Variants in ITPKB observed in about 807,000 individuals in gnomAD.
ITPKB encodes the protein IP3 3-kinase B.
A neutral mutation model predicts 69.4 loss-of-function variants in ITPKB; 13 were observed. The observed-to-expected ratio is 0.19, with a 90% CI of 0.12 to 0.30. ITPKB has a LOEUF of 0.30. Among genes scored for constraint, ITPKB ranks in the 10% least tolerant of loss-of-function variants. The probability of loss-of-function intolerance (pLI) is 1.00; values close to 1 mark genes in which losing one functional copy is unlikely to be tolerated. For missense variants in ITPKB, 1,240 were observed against 1,250.5 expected (o/e 0.99, Z 0.13); for synonymous variants, 584 against 513.7 (o/e 1.14, Z -1.85).
chr1:226,727,140 A>G (rs1015247812), intron 2 of ITPKB, among the ~76,000 whole-genome samples: 1 of 152,226 alleles, frequency 6.6e-6, no homozygotes, highest in African/African-American at 2.4e-5. Flanking sequence ...TATTAAATCT[A>G]TCATTCAGAT....
chr1:226,687,000 G>A (rs1268443163), intron 2 of ITPKB, among the ~76,000 whole-genome samples: 1 of 152,234 alleles, frequency 6.6e-6, no homozygotes, highest in Non-Finnish European at 1.5e-5. Context: ...GCTATAATCT[G>A]GAACCTCCAG....
chr1:226,659,200 C>T (rs981938296), intron 2 of ITPKB, among the ~76,000 whole-genome samples: 2 of 152,268 alleles, frequency 1.3e-5, no homozygotes, highest in African/African-American at 4.8e-5. Flanking sequence ...CCAAGGGCAG[C>T]ACCCAGACTG....
intron 2 of ITPKB, among the ~76,000 whole-genome samples, chr1:226,656,063 C>T (rs978704796): frequency 1.3e-5 from 2 of 152,224 alleles, no homozygotes; most frequent in African/African-American, 2.4e-5. Context: ...AGAAGAATGA[C>T]TGAGGATGCT....
At chr1:226,714,457 A>G in intron 2 of ITPKB, among the ~76,000 whole-genome samples, 1 of 152,240 alleles carries the variant, frequency 6.6e-6, no homozygotes, top group East Asian at 1.9e-4. Flanking sequence ...TGAAGTAAGA[A>G]TGACATGAAG....
chr1:226,665,220 T>G (rs995093545), intron 2 of ITPKB, among the ~76,000 whole-genome samples: 3 of 152,184 alleles, frequency 2.0e-5, no homozygotes, highest in African/African-American at 7.2e-5. Context: ...CCCCTGTCAC[T>G]GGGTCCCGCT....
chr1:226,733,049 G>A (rs1257248873), intron 2 of ITPKB, among the ~76,000 whole-genome samples: 1 of 152,188 alleles, frequency 6.6e-6, no homozygotes, highest in East Asian at 1.9e-4. Flanking sequence ...GGGTCTGAGG[G>A]CCAGGGGTTG....
At chr1:226,715,559 A>G (rs1657075079) in intron 2 of ITPKB, among the ~76,000 whole-genome samples, 1 of 152,258 alleles carries the variant, frequency 6.6e-6, no homozygotes, top group Non-Finnish European at 1.5e-5. Flanking sequence ...AGTAACTTGA[A>G]TCAAAATGAA....
intron 2 of ITPKB, among the ~76,000 whole-genome samples, chr1:226,724,524 C>T (rs931482613): frequency 5.9e-5 from 9 of 152,182 alleles, no homozygotes; most frequent in African/African-American, 2.2e-4. Flanking sequence ...CTGTGCTAGG[C>T]ATTTCCCACA....
intron 2 of ITPKB, among the ~76,000 whole-genome samples, chr1:226,723,016 C>A (rs1386320373): frequency 6.6e-6 from 1 of 151,962 alleles, no homozygotes. Context: ...GAGTAGAGAC[C>A]AGGGTTTGGC....
Position 226,642,710 on chromosome 1 carries a change from A to G in ITPKB, c.2247-585T>C, listed in dbSNP as rs1020977459. Among the ~76,000 whole-genome samples, 4 of 152,018 alleles carry G rather than the reference A, an allele frequency of 2.6e-5. No individual in the cohort carries two copies. The highest frequency in any genetic ancestry group is 2.9e-5 in the Non-Finnish European group (2 of 67,988). On this transcript the variant is annotated intron_variant, in intron 4 of 7. Transcript: ENST00000429204. This position sits in a 1 kb window ranked among gnomAD's most constrained non-coding sequence, Gnocchi z 6.4. Reference sequence around the variant, plus strand: ...AGGGGACTGGGGGCAGGGTCTACTCAGGGCCCCACTAGATCCCCTTGGCTG... The same window carrying G: ...AGGGGACTGGGGGCAGGGTCTACTCGGGGCCCCACTAGATCCCCTTGGCTG...
At chr1:226,715,633 G>C (rs1208788574) in intron 2 of ITPKB, among the ~76,000 whole-genome samples, 2 of 152,188 alleles carry the variant, frequency 1.3e-5, no homozygotes, top group African/African-American at 4.8e-5. Context: ...ACAAATATCA[G>C]ATTGAGTCAG....
At chr1:226,706,268 A>G (rs1415018087) in intron 2 of ITPKB, among the ~76,000 whole-genome samples, 1 of 152,252 alleles carries the variant, frequency 6.6e-6, no homozygotes, top group Non-Finnish European at 1.5e-5. Flanking sequence ...TGATAAAACA[A>G]TAAATAAAAA....
chr1:226,681,234 G>C (rs1328343336), intron 2 of ITPKB, among the ~76,000 whole-genome samples: 1 of 152,086 alleles, frequency 6.6e-6, no homozygotes, highest in African/African-American at 2.4e-5. Context: ...TTTCTTCCTA[G>C]CCTGTGAATA....
chr1:226,702,398 G>GA (rs543738819), intron 2 of ITPKB, among the ~76,000 whole-genome samples: 7,473 of 137,980 alleles, frequency 0.054, 503 homozygotes, highest in African/African-American at 0.15. Context: ...ACTCCCTCTC[G>GA]GAAAAAAAAA....
At chr1:226,644,983 G>A (rs534402465) in intron 4 of ITPKB, among the ~76,000 whole-genome samples, 2 of 152,342 alleles carry the variant, frequency 1.3e-5, no homozygotes, top group Non-Finnish European at 2.9e-5. Context: ...GGGAAGGGCT[G>A]GGCTGCAGCT....
rs548613440 is a variant in ITPKB at position 226,686,143 on chromosome 1, G to C, written c.1933-37372C>G. The stretch of plus-strand genomic sequence containing the variant: ...AGCAGAACCCAAGGGAAAGCCATGT[G>C]GGCCAGCAGGCTTCCGAACCAGTTC... On this transcript the variant is annotated intron_variant, in intron 2 of 7. Transcript: ENST00000429204. 2.1e-3 allele frequency among the ~76,000 whole-genome samples: 319 copies of C among 152,312 alleles called. 1 individual carries two copies. The highest frequency in any genetic ancestry group is 3.6e-3 in the Non-Finnish European group (245 of 68,032).
intron 2 of ITPKB, among the ~76,000 whole-genome samples, chr1:226,653,834 G>A (rs1165664969): frequency 6.6e-6 from 1 of 152,152 alleles, no homozygotes; most frequent in Non-Finnish European, 1.5e-5. Flanking sequence ...CGAACCAGCT[G>A]GGGAACTCCC....
rs1050203577 is a variant in ITPKB at position 226,647,279 on chromosome 1, C to T, written c.2134G>A (p.Val712Ile). 11 of 1,614,208 alleles carry T rather than the reference C, an allele frequency of 6.8e-6. No individual in the cohort carries two copies. The highest frequency in any genetic ancestry group is 4.5e-5 in the East Asian group (2 of 44,884). The change falls in exon 4 of 8, where the codon GTA (valine) becomes ATA (isoleucine). Residue 712 changes from valine to isoleucine, a missense_variant. Coordinates refer to ENST00000429204, the MANE Select transcript of ITPKB (RefSeq NM_002221.4). ...RLMVDVLRPF[V>I]PAYHGDVVKD... ...ACCACATCCCCATGGTAGGCAGGTA[C>T]GAAGGGCCTCAGCACATCCACCATC...
At chr1:226,671,995 C>G (rs1035225435) in intron 2 of ITPKB, among the ~76,000 whole-genome samples, 1 of 152,150 alleles carries the variant, frequency 6.6e-6, no homozygotes, top group Non-Finnish European at 1.5e-5. Flanking sequence ...GGCTTATGTT[C>G]TAAAAGGCTC....
Sources: allele counts gnomAD v4.1 joint callset (sites outside exome capture counted in the v4.1 genomes callset), GRCh38; gene constraint gnomAD v4.1.1; non-coding constraint Gnocchi (gnomAD v3.1); transcripts MANE v1.5; gene names NCBI Gene and HGNC (gene_info 2026-07-23, HGNC 2026-07-21).